Variants in GPC5 observed in about 807,000 individuals in gnomAD.
GPC5 encodes the protein glypican-5.
GPC5 carries 47 observed loss-of-function variants against 53.9 expected under a neutral mutation model. That is an observed-to-expected ratio of 0.87 (90% confidence interval 0.69 to 1.11). The LOEUF (loss-of-function observed/expected upper bound fraction) is 1.11, where lower values mean the gene tolerates loss of function less well. Ranked by LOEUF, GPC5 falls within the 50% of genes most tolerant of loss-of-function variation. GPC5 has a pLI of 0.00. For missense variants in GPC5, 748 were observed against 713.1 expected, an observed-to-expected ratio of 1.05 and a Z score of -0.56; for synonymous variants, 286 against 263.3, an observed-to-expected ratio of 1.09 and a Z score of -0.84.
chr13:91,430,000 A>G (rs750618894), intron 1 of GPC5, among the ~76,000 whole-genome samples: 11 of 152,204 alleles, frequency 7.2e-5, no homozygotes, highest in African/African-American at 1.9e-4. Context: ...AGAGTGCAAG[A>G]GTCAAGAAAC....
chr13:91,727,935 A>G (rs1282818046), intron 3 of GPC5, among the ~76,000 whole-genome samples: 1 of 152,196 alleles, frequency 6.6e-6, no homozygotes, highest in African/African-American at 2.4e-5. Context: ...AAGAAACAAT[A>G]CATTTTTCAA....
intron 7 of GPC5, among the ~76,000 whole-genome samples, chr13:92,213,731 A>AC (rs2042391229): frequency 6.6e-6 from 1 of 152,198 alleles, no homozygotes; most frequent in East Asian, 1.9e-4. Flanking sequence ...AGAATAAAAA[A>AC]GCCCAACTCC....
intron 2 of GPC5, among the ~76,000 whole-genome samples, chr13:91,584,640 G>A (rs949646061): frequency 7.9e-5 from 12 of 151,530 alleles, no homozygotes; most frequent in East Asian, 1.9e-4. Flanking sequence ...GTGCAATGGC[G>A]CAATCTTGGC....
At chr13:91,941,177 C>CA (rs140463873) in intron 6 of GPC5, among the ~76,000 whole-genome samples, 8 of 152,000 alleles carry the variant, frequency 5.3e-5, no homozygotes, top group Non-Finnish European at 1.0e-4. Context: ...GACTTTATTT[C>CA]ACTGCTCTCT....
At chr13:92,375,740 G>C (rs1450758244) in intron 7 of GPC5, among the ~76,000 whole-genome samples, 1 of 152,218 alleles carries the variant, frequency 6.6e-6, no homozygotes, top group South Asian at 2.1e-4. Context: ...TTCATAGGCA[G>C]AATTTTGTCT....
chr13:92,710,765 T>A (rs1330124166), intron 7 of GPC5, among the ~76,000 whole-genome samples: 1 of 152,132 alleles, frequency 6.6e-6, no homozygotes, highest in African/African-American at 2.4e-5. Flanking sequence ...ATAAAAGTGG[T>A]CAGGGGATCA....
At chr13:91,908,454 A>C (rs1247094426) in intron 6 of GPC5, among the ~76,000 whole-genome samples, 1 of 152,142 alleles carries the variant, frequency 6.6e-6, no homozygotes, top group Admixed American at 6.6e-5. Flanking sequence ...AAGGTTTTGC[A>C]GCATTTCAAT....
intron 7 of GPC5, among the ~76,000 whole-genome samples, chr13:92,750,332 T>C (rs1367695250): frequency 6.6e-6 from 1 of 152,188 alleles, no homozygotes; most frequent in African/African-American, 2.4e-5. Context: ...TCTCTCTTGA[T>C]ATTTTATGTA....
intron 3 of GPC5, among the ~76,000 whole-genome samples, chr13:91,713,588 G>A (rs900654641): frequency 1.3e-5 from 2 of 152,034 alleles, no homozygotes; most frequent in African/African-American, 2.4e-5. Context: ...GATTTCTCAG[G>A]TTCAGTTACC....
At chr13:92,278,023 G>A (rs2042888158) in intron 7 of GPC5, among the ~76,000 whole-genome samples, 1 of 151,718 alleles carries the variant, frequency 6.6e-6, no homozygotes, top group Non-Finnish European at 1.5e-5. Flanking sequence ...TAAGAATCTG[G>A]AATTTTAGGC....
chr13:92,785,368 T>G (rs890746456), intron 7 of GPC5, among the ~76,000 whole-genome samples: 1 of 152,188 alleles, frequency 6.6e-6, no homozygotes, highest in African/African-American at 2.4e-5. Context: ...CATTAACTCA[T>G]TTTTCATATT....
chr13:92,813,418 G>A (rs1877363761), intron 7 of GPC5, among the ~76,000 whole-genome samples: 1 of 151,790 alleles, frequency 6.6e-6, no homozygotes, highest in Non-Finnish European at 1.5e-5. Context: ...AAACCTCATT[G>A]CTTTATAAAA....
chr13:91,953,912 AAT>A (rs755079843), intron 6 of GPC5, among the ~76,000 whole-genome samples: 1 of 152,190 alleles, frequency 6.6e-6, no homozygotes, highest in East Asian at 1.9e-4. Context: ...TGGATTTTAC[AAT>A]ATGAGTTTTG....
At chr13:91,496,250 A>G (rs1323502254) in intron 2 of GPC5, among the ~76,000 whole-genome samples, 1 of 152,202 alleles carries the variant, frequency 6.6e-6, no homozygotes, top group African/African-American at 2.4e-5. Flanking sequence ...TTGACTTGAA[A>G]TTGGGTCTTC....
chr13:92,060,482 A>G (rs1343718721), intron 6 of GPC5, among the ~76,000 whole-genome samples: 1 of 152,088 alleles, frequency 6.6e-6, no homozygotes, highest in Non-Finnish European at 1.5e-5. Context: ...AATCTCAGAG[A>G]AACGTATGTT....
chr13:91,802,136 T>G (rs1461956883), intron 5 of GPC5, among the ~76,000 whole-genome samples: 1 of 152,204 alleles, frequency 6.6e-6, no homozygotes, highest in Non-Finnish European at 1.5e-5. Context: ...TTGGTCTCAC[T>G]GACTTCAAGA....
intron 5 of GPC5, among the ~76,000 whole-genome samples, chr13:91,891,874 A>C (rs376932206): frequency 6.6e-6 from 1 of 152,122 alleles, no homozygotes; most frequent in African/African-American, 2.4e-5. Flanking sequence ...AAGACTGCTT[A>C]TTAGAGTATT....
At chr13:92,565,851 G>T (rs199585527) in intron 7 of GPC5, among the ~76,000 whole-genome samples, 1 of 151,722 alleles carries the variant, frequency 6.6e-6, no homozygotes, top group South Asian at 2.1e-4. Context: ...TTTTTAAAAA[G>T]ATTTTTTAAA....
At chr13:91,515,768 C>A (rs1202367790) in intron 2 of GPC5, among the ~76,000 whole-genome samples, 1 of 42,496 alleles carries the variant, frequency 2.4e-5, no homozygotes, top group African/African-American at 3.5e-5. Context: ...TTAAACAGCA[C>A]TGACCATCTG....
Sources: allele counts gnomAD v4.1 joint callset (sites outside exome capture counted in the v4.1 genomes callset), GRCh38; gene constraint gnomAD v4.1.1; transcripts MANE v1.5; gene names NCBI Gene and HGNC (gene_info 2026-07-23, HGNC 2026-07-21).